The following TBC1D23 variants were observed in gnomAD, a reference collection of about 807,000 sequenced individuals.
TBC1D23 encodes the protein TBC1 domain family member 23, also known as HCV non-structural protein 4A-transactivated protein 1.
In TBC1D23, 55 loss-of-function variants were observed where a neutral mutation model predicts 91.4. That is an observed-to-expected ratio of 0.60 (90% CI 0.48 to 0.75). TBC1D23 has a LOEUF of 0.75. TBC1D23 is among the 30% of genes least tolerant of loss of function. TBC1D23 has a pLI of 0.00. For synonymous variants in TBC1D23, 289 were observed against 281.0 expected (o/e 1.03, Z -0.28); for missense variants, 725 against 836.1 (o/e 0.87, Z 1.64).
At chr3:100,302,030 G>A (rs1327009934) in intron 10 of TBC1D23, 37 bp from the exon 11 acceptor site, 2 of 1,533,428 alleles carry the variant, frequency 1.3e-6, no homozygotes, top group Non-Finnish European at 1.8e-6. Flanking sequence ...GTGAAACACA[G>A]GCTTGTCAAG....
At chr3:100,294,735 A>G (rs770710931) in intron 5 of TBC1D23, among the ~76,000 whole-genome samples, 3 of 152,232 alleles carry the variant, frequency 2.0e-5, no homozygotes, top group Admixed American at 6.5e-5. Flanking sequence ...TATGGAGCTC[A>G]GACCATAATT....
At chr3:100,304,994 C>T in intron 12 of TBC1D23, 106 bp downstream of exon 12, 2 of 617,578 alleles carry the variant, frequency 3.2e-6, no homozygotes, top group Non-Finnish European at 5.7e-6. Flanking sequence ...AGGGTAGACT[C>T]TTCATTCATT....
At chr3:100,279,590 C>A in intron 1 of TBC1D23, 59 bp from the exon 2 acceptor site, 1 of 1,198,404 alleles carries the variant, frequency 8.3e-7, no homozygotes, top group Non-Finnish European at 1.2e-6. Flanking sequence ...ATAAATGAAT[C>A]TTGAATAAGA....
chr3:100,272,985 C>G (rs2067613395), intron 1 of TBC1D23, among the ~76,000 whole-genome samples: 1 of 152,074 alleles, frequency 6.6e-6, no homozygotes, highest in Non-Finnish European at 1.5e-5. Context: ...CCTCTTGTCT[C>G]AACTGCAAAG....
At chr3:100,288,760 G>A (rs1483867828) in intron 4 of TBC1D23, among the ~76,000 whole-genome samples, 3 of 152,166 alleles carry the variant, frequency 2.0e-5, no homozygotes, top group African/African-American at 7.2e-5. Context: ...GCTGAATGGA[G>A]TAAATTTATA....
At chr3:100,290,903 A>G (rs533295503) in intron 5 of TBC1D23, among the ~76,000 whole-genome samples, 2 of 152,304 alleles carry the variant, frequency 1.3e-5, no homozygotes, top group East Asian at 3.9e-4. Context: ...TTTGATATGA[A>G]GTTCACTTTT....
chr3:100,265,029 A>G (rs1021912891), intron 1 of TBC1D23, among the ~76,000 whole-genome samples: 2 of 152,214 alleles, frequency 1.3e-5, no homozygotes, highest in Non-Finnish European at 2.9e-5. Flanking sequence ...TTATATATAT[A>G]TCAGAATGAG....
chr3:100,275,479 G>T (rs1392686708), intron 1 of TBC1D23, among the ~76,000 whole-genome samples: 2 of 152,034 alleles, frequency 1.3e-5, no homozygotes, highest in Non-Finnish European at 2.9e-5. Context: ...GTGGAAATGG[G>T]TTTTTTCCAT....
chr3:100,272,233 CTAAAA>C (rs1428806327), intron 1 of TBC1D23, among the ~76,000 whole-genome samples: 2 of 151,960 alleles, frequency 1.3e-5, no homozygotes, highest in African/African-American at 4.9e-5. Flanking sequence ...TATTGGAGAA[CTAAAA>C]TGAGACAGAT....
intron 11 of TBC1D23, among the ~76,000 whole-genome samples, chr3:100,304,465 G>A (rs1705484193): frequency 6.6e-6 from 1 of 151,768 alleles, no homozygotes; most frequent in Admixed American, 6.6e-5. Context: ...TAGCTGTAAT[G>A]TTTCTTTTTA....
intron 10 of TBC1D23, 188 bp from the exon 11 acceptor site, chr3:100,301,879 T>C (rs1705439856): frequency 4.0e-6 from 2 of 500,236 alleles, no homozygotes; most frequent in East Asian, 7.0e-5. Context: ...TTTTGTTCTA[T>C]TGTATTATAG....
chr3:100,320,468 G>A (rs1197181521), intron 17 of TBC1D23, among the ~76,000 whole-genome samples: 16 of 152,044 alleles, frequency 1.1e-4, no homozygotes, highest in Admixed American at 4.6e-4. Flanking sequence ...AATCTGAAAC[G>A]TAATATACTC....
chr3:100,314,759 C>T lies in TBC1D23; in HGVS notation c.1599-1340C>T, dbSNP rs151165879. Among the ~76,000 whole-genome samples the T allele has an allele frequency of 6.8e-3, 1,038 of 152,242 alleles. 15 individuals carry two copies. The highest frequency in any genetic ancestry group is 0.024 in the African/African-American group (996 of 41,530). On this transcript the variant is annotated intron_variant, in intron 15 of 18. Coordinates refer to ENST00000394144, the MANE Select transcript of TBC1D23 (RefSeq NM_001199198.3). ...CGCCACTGTACTCTAGCCTGGGTGA[C>T]GGAGTGAGACCCTGGCTCTAAAATA...
intron 18 of TBC1D23, among the ~76,000 whole-genome samples, chr3:100,322,069 C>T (rs1293268201): frequency 2.6e-5 from 4 of 151,288 alleles, no homozygotes; most frequent in African/African-American, 7.3e-5. Flanking sequence ...AATATACTTA[C>T]ATTTTAATAA....
At chr3:100,271,663 C>G (rs910802909) in intron 1 of TBC1D23, among the ~76,000 whole-genome samples, 1 of 152,210 alleles carries the variant, frequency 6.6e-6, no homozygotes, top group East Asian at 1.9e-4. Context: ...TATATATTCT[C>G]TCTGGAGTCA....
At chr3:100,266,070 G>A (rs1302192262) in intron 1 of TBC1D23, among the ~76,000 whole-genome samples, 1 of 152,138 alleles carries the variant, frequency 6.6e-6, no homozygotes, top group East Asian at 1.9e-4. Flanking sequence ...GTCTACTTGT[G>A]GAACTGGGAA....
rs2067725365 is a variant in TBC1D23 at position 100,284,750 on chromosome 3, A to G, written c.476+939A>G. On this transcript the variant is annotated intron_variant, in intron 4 of 18. Transcript: ENST00000394144. ...CCAGTGCAATAGATCAGATAGTTAG[A>G]ATTTTAGTACCAAAAGAAACTTTAG... 2.0e-5 allele frequency among the ~76,000 whole-genome samples: 3 copies of G among 152,130 alleles called. No homozygotes were observed. In the South Asian group the frequency reaches 6.2e-4, roughly 32 times the overall value.
Position 100,281,343 on chromosome 3 carries a change from C to A in TBC1D23, c.166-399C>A, listed in dbSNP as rs117714286. Among the ~76,000 whole-genome samples the A allele has an allele frequency of 3.1e-3, 466 of 152,078 alleles. 20 individuals are homozygous for A. In the East Asian group the frequency reaches 0.074, roughly 24 times the overall value. ...AGTTTATTTTACATTTTAAAAAAAA[C>A]CTTACAAAACAGTGAAAACATTTGC... On this transcript the variant is annotated intron_variant, in intron 2 of 18. Transcript: ENST00000394144.
chr3:100,281,363 A>G (rs2067693089), intron 2 of TBC1D23, among the ~76,000 whole-genome samples: 1 of 152,172 alleles, frequency 6.6e-6, no homozygotes, highest in Admixed American at 6.5e-5. Context: ...CAGTGAAAAC[A>G]TTTGCTCAAT....
Sources: allele counts gnomAD v4.1 joint callset (sites outside exome capture counted in the v4.1 genomes callset), GRCh38; gene constraint gnomAD v4.1.1; transcripts MANE v1.5; gene names NCBI Gene and HGNC (gene_info 2026-07-23, HGNC 2026-07-21).